The following ADAMTS10 variants were observed in gnomAD, a reference collection of about 807,000 sequenced individuals.
ADAMTS10 encodes the protein ADAM metallopeptidase with thrombospondin type 1 motif 10.
A neutral mutation model predicts 135.9 loss-of-function variants in ADAMTS10; 48 were observed. That is an observed-to-expected ratio of 0.35 (90% confidence interval 0.28 to 0.45). The LOEUF is 0.45. Ranked by LOEUF, ADAMTS10 falls within the 20% of genes least tolerant of loss-of-function variation. The pLI is 1.00. For missense variants in ADAMTS10, 1,131 were observed against 1,565.2 expected (o/e 0.72, Z 4.68); for synonymous variants, 621 against 647.5 (o/e 0.96, Z 0.62).
chr19:8,603,900 T>G lies in ADAMTS10; in HGVS notation c.436-16A>C, dbSNP rs782242765. On this transcript the variant is annotated splice_polypyrimidine_tract_variant and intron_variant, in intron 4 of 25. Transcript: ENST00000597188. ...TCAGGCCGTGCTGGGTTTTGAGAAG[T>G]GGGATAGAAAGCTCTCAGGATCAGG... 2 of 1,595,236 alleles carry G rather than the reference T, an allele frequency of 1.3e-6. No individual in the cohort carries two copies. Among genetic ancestry groups the G allele is most frequent in the African/African-American group, 1.3e-5 (1 of 74,490 alleles).
intron 25 of ADAMTS10, 128 bp from the exon 26 acceptor site, chr19:8,581,130 CTTTTTTTTTTT>C (rs369050914): frequency 0.094 from 13,714 of 146,300 alleles, 41 homozygotes; most frequent in South Asian, 0.14. Context: ...TTTAAATTTA[CTTTTTTTTTTT>C]TTTTTTTTTT....
At chr19:8,609,864 T>C (rs2042761879) in intron 1 of ADAMTS10, among the ~76,000 whole-genome samples, 1 of 150,724 alleles carries the variant, frequency 6.6e-6, no homozygotes, top group South Asian at 2.1e-4. Flanking sequence ...GCAGGACGCC[T>C]CCACCGCAGA....
chr19:8,590,838 TGC>T (rs1313279791), intron 15 of ADAMTS10, among the ~76,000 whole-genome samples: 1 of 151,268 alleles, frequency 6.6e-6, no homozygotes, highest in Admixed American at 6.6e-5. Flanking sequence ...TCAGGTGATC[TGC>T]CTGCCTCAGC....
chr19:8,585,790 C>G (rs1346821167), intron 22 of ADAMTS10, 130 bp from the exon 23 acceptor site: 1 of 968,176 alleles, frequency 1.0e-6, no homozygotes, highest in African/African-American at 1.6e-5. Context: ...CCAGGCACCT[C>G]CACATTCCAC....
rs1366073078 is a variant in ADAMTS10, at chr19:8,580,489, G to C, written c.*404C>G. On this transcript the variant is annotated 3_prime_UTR_variant, in exon 26 of 26. Coordinates refer to ENST00000597188, the MANE Select transcript of ADAMTS10 (RefSeq NM_030957.4). Reference sequence around the variant, plus strand: ...ATTCCCCCCCAGCTCGGAGTGGAGGGGTAGGGCAGTGCTGGGGGGCAGGGC... The same window carrying C: ...ATTCCCCCCCAGCTCGGAGTGGAGGCGTAGGGCAGTGCTGGGGGGCAGGGC... 3.2e-5 allele frequency: 6 copies of C among 187,594 alleles called. No homozygotes were observed. In the South Asian group the frequency reaches 3.3e-4, roughly 10 times the overall value. 11.6% of individuals were successfully genotyped at this position (187,594 alleles called of 1,614,324 possible). A position where few individuals can be genotyped will look rare whatever the true frequency, so the allele number is the denominator to read the frequency against.
rs782219362 is a variant in ADAMTS10, at chr19:8,603,706, A to G, written c.592+22T>C. The G allele has an allele frequency of 6.2e-6, 10 of 1,613,976 alleles. No individual in the cohort carries two copies. In the Admixed American group the frequency reaches 1.7e-4, roughly 27 times the overall value. ...AAAGATACTGTGTAGCCCTCTGCCC[A>G]TCCCCAGAAAGACCGATGTACCTCT... On this transcript the variant is annotated intron_variant, in intron 5 of 25. Coordinates refer to ENST00000597188, the MANE Select transcript of ADAMTS10 (RefSeq NM_030957.4).
At chr19:8,589,399 T>TAGCCCCCA in intron 17 of ADAMTS10, 34 bp from the exon 18 acceptor site, 1 of 939,870 alleles carries the variant, frequency 1.1e-6, no homozygotes, top group Non-Finnish European at 1.6e-6. Flanking sequence ...GGCGACCCCC[T>TAGCCCCCA]AACCCACCCC....
At chr19:8,582,744 G>A (rs1386936984) in intron 25 of ADAMTS10, 1 of 151,860 alleles carries the variant, frequency 6.6e-6, no homozygotes, top group Non-Finnish European at 1.5e-5. Flanking sequence ...CCACCTCCTG[G>A]GTTCAAGAGA....
intron 15 of ADAMTS10, among the ~76,000 whole-genome samples, chr19:8,590,452 T>G (rs545651009): frequency 6.6e-6 from 1 of 151,610 alleles, no homozygotes; most frequent in Non-Finnish European, 1.5e-5. Flanking sequence ...TTTTGCATTA[T>G]TTATTTATTT....
chr19:8,609,163 T>G (rs1252363579), intron 1 of ADAMTS10, among the ~76,000 whole-genome samples: 2 of 148,474 alleles, frequency 1.3e-5, no homozygotes, highest in African/African-American at 5.0e-5. Flanking sequence ...TGTATGTGAG[T>G]GTGTGTGACC....
At chr19:8,599,512 G>C (rs776593738) in intron 6 of ADAMTS10, among the ~76,000 whole-genome samples, 2 of 151,854 alleles carry the variant, frequency 1.3e-5, no homozygotes, top group African/African-American at 4.8e-5. Flanking sequence ...TGTATTTTTA[G>C]TAGAGACGGG....
chr19:8,589,582 C>A lies in ADAMTS10; in HGVS notation c.1904G>T (p.Gly635Val). Residue 635 changes from glycine (G) to valine (V), a missense_variant, in exon 17 of 26, where the codon GGC becomes GTC. This residue lies in a region of ADAMTS10 where 745 missense variants were observed against 1,056.3 expected (regional missense o/e 0.71). Transcript: ENST00000597188. Reference protein sequence around the residue: ...FYKWKTYRGGGVKACSLTCLA... With the variant: ...FYKWKTYRGGVVKACSLTCLA... ...GCACGTGAGCGAGCAGGCCTTCACG[C>A]CCCCTGGGGGGCACGGCCCCGTCAC... is the stretch of plus-strand genomic sequence containing the variant. The A allele has an allele frequency of 6.2e-7, 1 of 1,613,356 alleles. No individual in the cohort carries two copies. Among genetic ancestry groups the A allele is most frequent in the Non-Finnish European group, 8.5e-7 (1 of 1,179,968 alleles).
At chr19:8,606,269 C>T (rs1487789726) in intron 2 of ADAMTS10, among the ~76,000 whole-genome samples, 1 of 152,146 alleles carries the variant, frequency 6.6e-6, no homozygotes, top group African/African-American at 2.4e-5. Context: ...CACTTTGTTG[C>T]CCAGGCTGAT....
rs2042502779 is a variant in ADAMTS10, at chr19:8,590,088, T to C, written c.1798-97A>G. 7 of 887,148 alleles carry C rather than the reference T, an allele frequency of 7.9e-6. No homozygotes were observed. The East Asian group carries it at 1.7e-4, about 21-fold the overall frequency. The allele number at this position is 887,148 out of a possible 1,614,324, so 55.0% of individuals were successfully genotyped here. A position where few individuals can be genotyped will look rare whatever the true frequency, so the allele number is the denominator to read the frequency against. On this transcript the variant is annotated intron_variant, in intron 15 of 25. Transcript: ENST00000597188. ...GAAAGATGGGCTGGAGGAGGGAGGC[T>C]AGAGGCAGGGAGGCCAGGGAGGAGG...
In ADAMTS10 at chr19:8,580,892, C is replaced by T. The variant is rs145948999; in HGVS notation, c.*1G>A. ...CTGTGGCTCCGGGTGCCGCGCGCCC[C>T]CTAGTGGCCATGGCAGGTTTTGCAG... On this transcript the variant is annotated 3_prime_UTR_variant, in exon 26 of 26. Coordinates refer to ENST00000597188, the MANE Select transcript of ADAMTS10 (RefSeq NM_030957.4). 41 of 1,603,676 alleles carry T rather than the reference C, an allele frequency of 2.6e-5. No homozygotes were observed. The highest frequency in any genetic ancestry group is 3.0e-5 in the Non-Finnish European group (35 of 1,175,544).
rs782569374 is a variant in ADAMTS10 at position 8,596,382 on chromosome 19, C to T, written c.1115G>A (p.Arg372His). The T allele has an allele frequency of 1.7e-5, 28 of 1,613,124 alleles. No homozygotes were observed. Among genetic ancestry groups the T allele is most frequent in the East Asian group, 1.1e-4 (5 of 44,886 alleles). Residue 372 changes from arginine to histidine, a missense_variant, in exon 10 of 26, where the codon CGC becomes CAC. By Grantham distance (29) the Arg-to-His change is conservative. Coordinates refer to ENST00000597188, the MANE Select transcript of ADAMTS10 (RefSeq NM_030957.4). This position sits in a 1 kb window ranked among gnomAD's most constrained non-coding sequence, Gnocchi z 7.2. ...GLAPVGGMCE[R>H]ERSCSVNEDI... The stretch of plus-strand genomic sequence containing the variant: ...CTCATTGACGCTGCAGCTTCTCTCG[C>T]GCTCACACATTCCGCCCACCGGGGC...
intron 25 of ADAMTS10, among the ~76,000 whole-genome samples, chr19:8,582,385 G>A (rs766083493): frequency 3.3e-5 from 5 of 151,820 alleles, no homozygotes; most frequent in Non-Finnish European, 7.4e-5. Flanking sequence ...GGAGAATGGC[G>A]TGAACCTGGG....
intron 6 of ADAMTS10, among the ~76,000 whole-genome samples, chr19:8,600,500 C>CTTTTTTTTTTTTTTTTTTTTTTT (rs797035354): frequency 7.7e-6 from 1 of 129,822 alleles, no homozygotes; most frequent in African/African-American, 2.9e-5. Flanking sequence ...TCTTTCTTTT[C>CTTTTTTTTTTTTTTTTTTTTTTT]TTTTTTTTTT....
rs1424830968 is a variant in ADAMTS10 at position 8,585,082 on chromosome 19, C to T, written c.3043-28G>A. On this transcript the variant is annotated intron_variant, in intron 24 of 25. Coordinates refer to ENST00000597188, the MANE Select transcript of ADAMTS10 (RefSeq NM_030957.4). ...GCGAGGGGGCACCACTCAGTTGCTGCCCCGCAGCCCCTGCCCTGGCCCCCA... is the reference window on the plus strand; with the variant it reads ...GCGAGGGGGCACCACTCAGTTGCTGTCCCGCAGCCCCTGCCCTGGCCCCCA... The T allele has an allele frequency of 1.0e-5, 15 of 1,501,214 alleles. 1 individual carries two copies. The highest frequency in any genetic ancestry group is 2.5e-5 in the South Asian group (2 of 80,868). 93.0% of individuals were successfully genotyped at this position (1,501,214 alleles called of 1,614,324 possible). A position where few individuals can be genotyped will look rare whatever the true frequency, so the allele number is the denominator to read the frequency against.
Sources: gnomAD v4.1 joint callset for allele counts (sites outside exome capture counted in the v4.1 genomes callset) on GRCh38, gnomAD v4.1.1 for gene constraint, gnomAD v4.1.1 regional missense constraint, Gnocchi (gnomAD v3.1) non-coding constraint, MANE v1.5 for transcripts, NCBI Gene and HGNC (gene_info 2026-07-23, HGNC 2026-07-21) for gene names.